RUNX1T1: variants seen among roughly 807,000 people sequenced by gnomAD.
The protein encoded by RUNX1T1 is RUNX1 partner transcriptional co-repressor 1, also known as protein CBFA2T1.
In RUNX1T1, 4 loss-of-function variants were observed where a neutral mutation model predicts 62.8. That is an observed-to-expected ratio of 0.06 (90% CI 0.03 to 0.15). The LOEUF (loss-of-function observed/expected upper bound fraction) is 0.15. Among genes scored for constraint, RUNX1T1 ranks in the 10% least tolerant of loss-of-function variants. RUNX1T1 has a pLI of 1.00. For missense variants in RUNX1T1, 508 were observed against 754.3 expected (o/e 0.67, Z 3.82); for synonymous variants, 291 against 286.0 (o/e 1.02, Z -0.18).
intron 1 of RUNX1T1, among the ~76,000 whole-genome samples, chr8:92,048,457 C>T (rs1192595291): frequency 1.3e-5 from 2 of 152,020 alleles, no homozygotes; most frequent in Non-Finnish European, 2.9e-5. Flanking sequence ...GGCAGGAGGA[C>T]TGCTTGAGCC....
intron 1 of RUNX1T1, among the ~76,000 whole-genome samples, chr8:92,049,338 G>C (rs1829892613): frequency 6.6e-6 from 1 of 152,178 alleles, no homozygotes. Flanking sequence ...AGGATGTAAA[G>C]TCAGATGCCT....
chr8:92,019,708 TAA>T (rs1313941086), intron 1 of RUNX1T1, among the ~76,000 whole-genome samples: 1 of 152,144 alleles, frequency 6.6e-6, no homozygotes, highest in Non-Finnish European at 1.5e-5. Flanking sequence ...AATTTGACAA[TAA>T]GTTTCCTCCT....
intron 5 of RUNX1T1, 133 bp from the exon 7 acceptor site, chr8:91,992,022 C>T: frequency 1.1e-6 from 1 of 942,420 alleles, no homozygotes; most frequent in Non-Finnish European, 1.6e-6. Flanking sequence ...CTCAGCTTCC[C>T]AGAAAACATA....
At chr8:92,033,543 C>T (rs960763856) in intron 1 of RUNX1T1, among the ~76,000 whole-genome samples, 5 of 152,140 alleles carry the variant, frequency 3.3e-5, no homozygotes, top group South Asian at 2.1e-4. Context: ...TCGGCACTTT[C>T]GGACGGTGAG....
rs142225049 is a variant in RUNX1T1, at chr8:91,970,784, C to T, written c.1332G>A (p.Ala444=). The change falls in exon 10 of 11, where the codon GCG becomes GCA. Residue 444 remains alanine, a synonymous_variant. Coordinates refer to ENST00000396218, the Ensembl canonical transcript of RUNX1T1. Reference sequence around the variant, plus strand: ...TGATCATGTCGTGGGCTTTCCGCTCCGCCTCAGACACGGCCTTCTGCAGCT... The same window carrying T: ...TGATCATGTCGTGGGCTTTCCGCTCTGCCTCAGACACGGCCTTCTGCAGCT... The T allele has an allele frequency of 1.7e-4, 274 of 1,613,402 alleles. 1 individual carries two copies. The East Asian group carries it at 3.7e-3, about 22-fold the overall frequency.
chr8:91,981,172 A>G (rs963698542), intron 8 of RUNX1T1, among the ~76,000 whole-genome samples: 2 of 152,152 alleles, frequency 1.3e-5, no homozygotes, highest in African/African-American at 4.8e-5. Context: ...CCACAAAACT[A>G]ATATGAAGAG....
At chr8:92,067,659 T>C (rs1457786199), upstream of RUNX1T1, among the ~76,000 whole-genome samples, 1 of 152,222 alleles carries the variant, frequency 6.6e-6, no homozygotes, top group East Asian at 1.9e-4. Context: ...CTGGTTGAAG[T>C]ACAATGTCCT....
chr8:92,009,210 A>G (rs749706541), intron 4 of RUNX1T1, among the ~76,000 whole-genome samples: 25 of 152,358 alleles, frequency 1.6e-4, no homozygotes, highest in Admixed American at 3.9e-4. Flanking sequence ...TTCTGGTGCC[A>G]GATTAGGTAA....
At chr8:91,972,202 T>C (rs1040495826) in intron 9 of RUNX1T1, among the ~76,000 whole-genome samples, 3 of 152,148 alleles carry the variant, frequency 2.0e-5, no homozygotes, top group Admixed American at 2.0e-4. Flanking sequence ...AGTACTCCTA[T>C]TGTTTCTTCA....
At chr8:92,061,928 A>T (rs913116128) in intron 1 of RUNX1T1, among the ~76,000 whole-genome samples, 2 of 152,192 alleles carry the variant, frequency 1.3e-5, no homozygotes, top group African/African-American at 2.4e-5. Context: ...GGCTCCAAAA[A>T]TAATATTTTT....
chr8:92,007,821 C>T (rs868598658), intron 4 of RUNX1T1, among the ~76,000 whole-genome samples: 5 of 151,796 alleles, frequency 3.3e-5, no homozygotes, highest in African/African-American at 4.8e-5. Flanking sequence ...AATACAAAAT[C>T]GGTTGGATGC....
upstream of RUNX1T1, among the ~76,000 whole-genome samples, chr8:92,067,015 C>A (rs1832973921): frequency 6.6e-6 from 1 of 152,136 alleles, no homozygotes; most frequent in Admixed American, 6.5e-5. Context: ...TTTCAGCCAG[C>A]CCGCAGAACT....
upstream of RUNX1T1, chr8:92,102,798 C>T (rs1838099704): frequency 1.4e-6 from 2 of 1,464,574 alleles, no homozygotes; most frequent in Admixed American, 2.5e-5. The surrounding 1 kb of genome is among the most constrained non-coding windows in gnomAD (Gnocchi z 4.5). Flanking sequence ...TAATTAATAA[C>T]AGTCAGGGGC....
intron 2 of RUNX1T1, among the ~76,000 whole-genome samples, chr8:92,075,403 T>C (rs1293682027): frequency 6.6e-6 from 1 of 152,272 alleles, no homozygotes; most frequent in Admixed American, 6.5e-5. Context: ...ATTTAGTTTA[T>C]ATTTGCTGTT....
At chr8:91,966,959 T>C (rs1811766578) in intron 10 of RUNX1T1, among the ~76,000 whole-genome samples, 1 of 152,144 alleles carries the variant, frequency 6.6e-6, no homozygotes. Flanking sequence ...CTCCCACTCC[T>C]GCCATGTAGC....
intron 10 of RUNX1T1, among the ~76,000 whole-genome samples, chr8:91,968,770 C>G (rs187675682): frequency 3.7e-4 from 56 of 152,284 alleles, no homozygotes; most frequent in African/African-American, 1.3e-3. Flanking sequence ...CCTGTTGAGG[C>G]TCTGCCATTT....
chr8:92,023,218 T>TCC (rs1382855813), intron 1 of RUNX1T1, among the ~76,000 whole-genome samples: 1 of 152,160 alleles, frequency 6.6e-6, no homozygotes. Context: ...AGTAATTACT[T>TCC]CCCTTCACTT....
intron 1 of RUNX1T1, among the ~76,000 whole-genome samples, chr8:92,051,089 T>C (rs759447926): frequency 2.0e-5 from 3 of 152,156 alleles, no homozygotes; most frequent in Non-Finnish European, 4.4e-5. Flanking sequence ...CTTATCCCTA[T>C]CTGAAATCAT....
In RUNX1T1 at chr8:92,001,187, T is replaced by C. The variant is rs28378891; in HGVS notation, c.659+3929A>G. 2.4e-3 allele frequency among the ~76,000 whole-genome samples: 365 copies of C among 151,990 alleles called. 1 individual carries two copies. Among genetic ancestry groups the C allele is most frequent in the African/African-American group, 8.5e-3 (353 of 41,442 alleles). On this transcript the variant is annotated intron_variant, in intron 5 of 10. Coordinates refer to ENST00000396218, the Ensembl canonical transcript of RUNX1T1. ...AAAAAAAAATACAGATAACATCCCA[T>C]GAGCAAATCCATAAATTTAAAATAT...
Sources: gnomAD v4.1 joint callset for allele counts (sites outside exome capture counted in the v4.1 genomes callset) on GRCh38, gnomAD v4.1.1 for gene constraint, Gnocchi (gnomAD v3.1) non-coding constraint, MANE v1.5 for transcripts, NCBI Gene and HGNC (gene_info 2026-07-23, HGNC 2026-07-21) for gene names.